Variants in TTC12 observed in about 807,000 individuals in gnomAD.
TTC12 encodes the protein tetratricopeptide repeat domain 12, also known as tetratricopeptide repeat protein 12.
In TTC12, 70 loss-of-function variants were observed where a neutral mutation model predicts 90.1. The ratio of observed to expected loss-of-function variants is 0.78; its 90% confidence interval spans 0.64 to 0.95. The LOEUF (loss-of-function observed/expected upper bound fraction) is 0.95, where lower values mean the gene tolerates loss of function less well. Ranked by LOEUF, TTC12 falls within the 40% of genes least tolerant of loss-of-function variation. The pLI, the probability that TTC12 is intolerant of heterozygous loss-of-function variation, is 0.00. For synonymous variants in TTC12, 296 were observed against 311.5 expected (o/e 0.95, Z 0.53); for missense variants, 819 against 846.1 (o/e 0.97, Z 0.40).
At chr11:113,350,258 GC>G (rs1555149665) in intron 14 of TTC12, 93 bp downstream of exon 14, 6 of 1,000,700 alleles carry the variant, frequency 6.0e-6, no homozygotes, top group African/African-American at 1.6e-5. Context: ...GAGAGGCTAG[GC>G]CAAGTCTCCA....
Position 113,359,458 on chromosome 11 carries a change from T to C in TTC12, c.1542T>C (p.Ser514=), listed in dbSNP as rs1555153864. ...TGTGTCTTCAGGCTCCCTTTGTCTC[T>C]GAGGTATGGCATTCTTGTCTCCCTG... ...MNLCLQAPFV[S]EVWAVEVSRR... is the part of the protein sequence containing the mutation. Residue 514 remains serine, a synonymous_variant, in exon 17 of 22, where the codon TCT becomes TCC. Coordinates refer to ENST00000529221, the MANE Select transcript of TTC12 (RefSeq NM_017868.4). 1 of 1,609,296 alleles carries C rather than the reference T, an allele frequency of 6.2e-7. No homozygotes were observed. Among genetic ancestry groups the C allele is most frequent in the South Asian group, 1.1e-5 (1 of 90,960 alleles).
intron 12 of TTC12, among the ~76,000 whole-genome samples, chr11:113,342,848 C>T (rs1469499737): frequency 6.6e-6 from 1 of 152,136 alleles, no homozygotes; most frequent in East Asian, 1.9e-4. Context: ...CAGCTTAGGG[C>T]AGTGTTTTTG....
intron 13 of TTC12, among the ~76,000 whole-genome samples, chr11:113,348,333 C>T (rs1325769206): frequency 1.3e-5 from 2 of 152,186 alleles, no homozygotes; most frequent in East Asian, 3.9e-4. Context: ...AGTATGCTGC[C>T]AGCTCTTTCT....
Position 113,323,250 on chromosome 11 carries a change from A to G in TTC12, c.59-38A>G, listed in dbSNP as rs781969326. On this transcript the variant is annotated intron_variant, in intron 2 of 21. Coordinates refer to ENST00000529221, the MANE Select transcript of TTC12 (RefSeq NM_017868.4). ...TTCTAGTGAATAGAGTCTTTTGAAT[A>G]TCTTGTTTGATTAAGTCACACCTGA... 22 of 1,482,226 alleles carry G rather than the reference A, an allele frequency of 1.5e-5. No individual in the cohort carries two copies. The East Asian group carries it at 5.2e-4, about 35-fold the overall frequency. The allele number at this position is 1,482,226 out of a possible 1,614,324, so 91.8% of individuals were successfully genotyped here. A position where few individuals can be genotyped will look rare whatever the true frequency, so the allele number is the denominator to read the frequency against.
At chr11:113,329,830 C>T in intron 6 of TTC12, 90 bp from the exon 7 acceptor site, 2 of 1,087,554 alleles carry the variant, frequency 1.8e-6, no homozygotes, top group Non-Finnish European at 2.9e-6. Flanking sequence ...TTCTCGCTGA[C>T]ATTCTACTGT....
chr11:113,323,241 C>G lies in TTC12; in HGVS notation c.59-47C>G, dbSNP rs723078. The G allele has an allele frequency of 0.066, 94,493 of 1,440,014 alleles. 3,254 individuals carry two copies. The highest frequency in any genetic ancestry group is 0.093 in the African/African-American group (6,479 of 69,636). The allele number at this position is 1,440,014 out of a possible 1,614,324, so 89.2% of individuals were successfully genotyped here. On this transcript the variant is annotated intron_variant, in intron 2 of 21. Coordinates refer to ENST00000529221, the MANE Select transcript of TTC12 (RefSeq NM_017868.4). ...CACCATCCTTTCTAGTGAATAGAGTCTTTTGAATATCTTGTTTGATTAAGT... is the reference window on the plus strand; with the variant it reads ...CACCATCCTTTCTAGTGAATAGAGTGTTTTGAATATCTTGTTTGATTAAGT...
At chr11:113,363,949 G>A in intron 20 of TTC12, 22 bp downstream of exon 20, 1 of 1,561,182 alleles carries the variant, frequency 6.4e-7, no homozygotes, top group Non-Finnish European at 8.8e-7. Context: ...TTTCCTTAAG[G>A]GAGCCCTTGT....
chr11:113,339,128 T>C (rs1212894439), intron 9 of TTC12, among the ~76,000 whole-genome samples, 158 bp from the exon 10 acceptor site: 1 of 152,192 alleles, frequency 6.6e-6, no homozygotes, highest in Non-Finnish European at 1.5e-5. Context: ...TTTAGACTGT[T>C]TCTAAAATTT....
intron 8 of TTC12, 146 bp downstream of exon 8, chr11:113,335,183 T>C (rs782572665): frequency 1.1e-5 from 7 of 649,468 alleles, no homozygotes; most frequent in Non-Finnish European, 1.8e-5. Flanking sequence ...GATCTTAAAG[T>C]TGGGAAGAAT....
intron 2 of TTC12, 110 bp from the exon 3 acceptor site, chr11:113,323,178 C>G (rs1947454466): frequency 5.7e-6 from 4 of 704,506 alleles, no homozygotes; most frequent in Non-Finnish European, 5.9e-6. Flanking sequence ...TTCTATTGCT[C>G]TATTTTTTTC....
At position 113,350,059 on chromosome 11, in the gene TTC12, A is replaced by G; in HGVS notation, c.1155-14A>G. The stretch of plus-strand genomic sequence containing the variant: ...GAGGACAGCTACCTCTGAGGTTATT[A>G]TGGTTTTTTGCAGATTATTGGAAGC... On this transcript the variant is annotated splice_polypyrimidine_tract_variant and intron_variant, in intron 13 of 21. Coordinates refer to ENST00000529221, the MANE Select transcript of TTC12 (RefSeq NM_017868.4). The G allele has an allele frequency of 6.2e-7, 1 of 1,609,538 alleles. No homozygotes were observed. The highest frequency in any genetic ancestry group is 8.5e-7 in the Non-Finnish European group (1 of 1,176,062).
At chr11:113,329,495 A>G in intron 6 of TTC12, 1 of 430,018 alleles carries the variant, frequency 2.3e-6, no homozygotes. Flanking sequence ...TAAAATGAGA[A>G]GGAAGGAGGA....
At chr11:113,369,738 CA>C (rs1950332764), downstream of TTC12, among the ~76,000 whole-genome samples, 1 of 152,086 alleles carries the variant, frequency 6.6e-6, no homozygotes, top group Admixed American at 6.5e-5. Context: ...ATGGGAGCAT[CA>C]ACACCTACCT....
intron 2 of TTC12, among the ~76,000 whole-genome samples, chr11:113,317,573 T>C (rs1018421215): frequency 4.8e-4 from 73 of 152,236 alleles, no homozygotes; most frequent in African/African-American, 1.7e-3. Context: ...GAGTAATGTA[T>C]CTAAAATGCA....
intron 13 of TTC12, 54 bp downstream of exon 13, chr11:113,344,494 A>G (rs1555147449): frequency 1.3e-6 from 2 of 1,543,850 alleles, no homozygotes; most frequent in African/African-American, 2.7e-5. Context: ...TCACTTGACA[A>G]GTTCAGGCAT....
At chr11:113,366,747 A>G (rs747692597), downstream of TTC12, among the ~76,000 whole-genome samples, 15 of 152,228 alleles carry the variant, frequency 9.9e-5, no homozygotes, top group African/African-American at 1.4e-4. Context: ...AGAGAGTTGC[A>G]TTGGCATCAT....
chr11:113,371,203 A>G (rs1049584679), downstream of TTC12, among the ~76,000 whole-genome samples: 2 of 152,170 alleles, frequency 1.3e-5, no homozygotes, highest in Non-Finnish European at 1.5e-5. Flanking sequence ...TTGATACCAC[A>G]GATACCAAAG....
At chr11:113,339,818 A>T (rs1467457511) in intron 10 of TTC12, among the ~76,000 whole-genome samples, 2 of 152,040 alleles carry the variant, frequency 1.3e-5, no homozygotes, top group Non-Finnish European at 2.9e-5. Flanking sequence ...CATACCACAC[A>T]CAGCACACTC....
chr11:113,335,506 G>A (rs1948317260), intron 8 of TTC12, among the ~76,000 whole-genome samples: 1 of 152,042 alleles, frequency 6.6e-6, no homozygotes, highest in Non-Finnish European at 1.5e-5. Flanking sequence ...ACAGAGTCAG[G>A]CAGCCATCAC....
Sources: allele counts gnomAD v4.1 joint callset (sites outside exome capture counted in the v4.1 genomes callset), GRCh38; gene constraint gnomAD v4.1.1; transcripts MANE v1.5; gene names NCBI Gene and HGNC (gene_info 2026-07-23, HGNC 2026-07-21).